STAT3: variants seen among roughly 807,000 people sequenced by gnomAD.
STAT3 encodes signal transducer and activator of transcription 3, also known as DNA-binding protein APRF.
STAT3 carries 7 observed loss-of-function variants against 114.3 expected under a neutral mutation model. That is an observed-to-expected ratio of 0.06 (90% CI 0.03 to 0.11). STAT3 has a LOEUF of 0.11. Ranked by LOEUF, STAT3 falls within the 10% of genes least tolerant of loss-of-function variation. The pLI, the probability that STAT3 is intolerant of heterozygous loss-of-function variation, is 1.00. For missense variants in STAT3, 364 were observed against 960.9 expected, an observed-to-expected ratio of 0.38 and a Z score of 8.21; for synonymous variants, 331 against 354.5, an observed-to-expected ratio of 0.93 and a Z score of 0.74.
intron 1 of STAT3, among the ~76,000 whole-genome samples, chr17:42,382,805 C>A (rs2084875299): frequency 1.3e-5 from 2 of 151,994 alleles, no homozygotes. Context: ...TGCCACCACG[C>A]TGGGCTAATT....
intron 1 of STAT3, among the ~76,000 whole-genome samples, chr17:42,369,952 C>T (rs2084015711): frequency 6.6e-6 from 1 of 151,996 alleles, no homozygotes; most frequent in Admixed American, 6.6e-5. Context: ...TAAGTCACTG[C>T]ACTTTGGCCA....
At position 42,323,106 on chromosome 17, in the gene STAT3, C is replaced by A; in HGVS notation, c.1786G>T (p.Ala596Ser). Residue 596 changes from alanine (A) to serine (S), a missense_variant, in exon 20 of 24, where the codon GCC becomes TCC. Ala to Ser is a moderately conservative substitution (Grantham distance 99). Around this residue, in one of 5 missense-constraint regions of STAT3, gnomAD observed 294 missense variants for 745.1 expected, o/e 0.39. Transcript: ENST00000264657. Reference protein sequence around the residue: ...MGFISKERERAILSTKPPGTF... With the variant: ...MGFISKERERSILSTKPPGTF... ...CCTGGAGGCTTAGTGCTCAAGATGG[C>A]CCGCTCCCGCTCCTTACTGATAAAG... 1 of 1,614,176 alleles carries A rather than the reference C, an allele frequency of 6.2e-7. No individual in the cohort carries two copies. The highest frequency in any genetic ancestry group is 8.5e-7 in the Non-Finnish European group (1 of 1,180,030).
At chr17:42,316,238 T>A (rs890025329) in intron 23 of STAT3, 1 of 403,288 alleles carries the variant, frequency 2.5e-6, no homozygotes, top group Admixed American at 5.0e-5. Flanking sequence ...TCTTTTTAGT[T>A]TAGTTTTGTT....
chr17:42,331,994 C>T (rs959620416), intron 10 of STAT3, among the ~76,000 whole-genome samples: 5 of 151,668 alleles, frequency 3.3e-5, no homozygotes, highest in Admixed American at 2.6e-4. Context: ...ATGGCGCAAT[C>T]TCCGTTCACC....
At chr17:42,326,019 T>C in intron 15 of STAT3, 97 bp downstream of exon 15, 2 of 1,124,468 alleles carry the variant, frequency 1.8e-6, no homozygotes, top group Non-Finnish European at 2.7e-6. Context: ...AAGCAAACAG[T>C]AATCATTCCA....
chr17:42,387,382 A>C (rs766259595), intron 1 of STAT3: 2 of 152,250 alleles, frequency 1.3e-5, no homozygotes, highest in African/African-American at 4.8e-5. Flanking sequence ...TCTCCTCTGC[A>C]TTTACCCAAG....
chr17:42,348,575 C>T (rs2082800483), intron 1 of STAT3, 36 bp from the exon 2 acceptor site: 1 of 1,610,458 alleles, frequency 6.2e-7, no homozygotes, highest in Non-Finnish European at 8.5e-7. Flanking sequence ...CACCACAAGT[C>T]CCAGTAGGGG....
intron 1 of STAT3, among the ~76,000 whole-genome samples, chr17:42,356,539 A>ATATAT (rs1267896370): frequency 2.8e-5 from 4 of 142,980 alleles, no homozygotes; most frequent in African/African-American, 1.0e-4. Context: ...ATATATATAT[A>ATATAT]TTTTTTTTTT....
intron 1 of STAT3, among the ~76,000 whole-genome samples, chr17:42,384,972 A>G (rs891217765): frequency 2.0e-5 from 3 of 152,186 alleles, no homozygotes; most frequent in Non-Finnish European, 4.4e-5. Context: ...GATCTGTAGC[A>G]TTCAGCCTAG....
intron 1 of STAT3, among the ~76,000 whole-genome samples, chr17:42,357,725 G>A (rs1370914375): frequency 1.3e-5 from 2 of 151,970 alleles, no homozygotes; most frequent in African/African-American, 4.8e-5. Context: ...TAAACTATTA[G>A]AGTCATTCAT....
At chr17:42,339,164 G>A in intron 5 of STAT3, 150 bp downstream of exon 5, 2 of 743,980 alleles carry the variant, frequency 2.7e-6, no homozygotes, top group Non-Finnish European at 4.5e-6. Context: ...GATGAGGTAG[G>A]AGGATCGCTT....
At chr17:42,362,306 T>A (rs543275712) in intron 1 of STAT3, among the ~76,000 whole-genome samples, 15 of 152,216 alleles carry the variant, frequency 9.9e-5, no homozygotes, top group Non-Finnish European at 1.9e-4. Flanking sequence ...AAACCTGCCA[T>A]CCCCTCAGGA....
At chr17:42,375,028 G>A (rs902316338) in intron 1 of STAT3, among the ~76,000 whole-genome samples, 3 of 152,200 alleles carry the variant, frequency 2.0e-5, no homozygotes, top group Non-Finnish European at 2.9e-5. Context: ...TACCAGAATC[G>A]TCTGTAGGAA....
chr17:42,357,659 C>T (rs374981309), intron 1 of STAT3, among the ~76,000 whole-genome samples: 1 of 151,570 alleles, frequency 6.6e-6, no homozygotes, highest in African/African-American at 2.4e-5. Context: ...GCGACAAGAG[C>T]GAAACTCCAT....
chr17:42,383,584 G>A (rs2084921770), intron 1 of STAT3, among the ~76,000 whole-genome samples: 1 of 152,126 alleles, frequency 6.6e-6, no homozygotes, highest in South Asian at 2.1e-4. Flanking sequence ...TGACTAAAGC[G>A]CACTACACTT....
chr17:42,358,561 C>A (rs1567740831), intron 1 of STAT3, among the ~76,000 whole-genome samples: 2 of 152,172 alleles, frequency 1.3e-5, no homozygotes, highest in Non-Finnish European at 2.9e-5. Context: ...AGAAAACCCA[C>A]AAAACAGACC....
intron 21 of STAT3, among the ~76,000 whole-genome samples, chr17:42,320,842 G>A (rs1415842257): frequency 9.2e-5 from 14 of 151,644 alleles, no homozygotes; most frequent in African/African-American, 2.7e-4. Context: ...AGAACCCAGA[G>A]AGTCAAAACA....
In STAT3 at chr17:42,323,159, AGG is replaced by A. The variant is rs1380091355; in HGVS notation, c.1749-18_1749-17del. The A allele has an allele frequency of 6.2e-7, 1 of 1,614,184 alleles. No homozygotes were observed. Among genetic ancestry groups the A allele is most frequent in the Admixed American group, 1.7e-5 (1 of 60,026 alleles). On this transcript the variant is annotated splice_polypyrimidine_tract_variant and intron_variant, in intron 19 of 23. Coordinates refer to ENST00000264657, the MANE Select transcript of STAT3 (RefSeq NM_139276.3). Reference sequence around the variant, plus strand: ...CATGATGTACCTGGAGCCAAGGAGGAGGAACAATGTTGTTATTGCTAACAGGG... The same window carrying A: ...CATGATGTACCTGGAGCCAAGGAGGAAACAATGTTGTTATTGCTAACAGGG...
At chr17:42,328,056 G>T (rs1211788843) in intron 14 of STAT3, among the ~76,000 whole-genome samples, 1 of 150,540 alleles carries the variant, frequency 6.6e-6, no homozygotes, top group Non-Finnish European at 1.5e-5. Context: ...AAAGAAAAAA[G>T]AAATTAAATT....
Sources: allele counts gnomAD v4.1 joint callset (sites outside exome capture counted in the v4.1 genomes callset), GRCh38; gene constraint gnomAD v4.1.1; regional missense constraint gnomAD v4.1.1; transcripts MANE v1.5; gene names NCBI Gene and HGNC (gene_info 2026-07-23, HGNC 2026-07-21).